Variants in DUSP3 observed in about 807,000 individuals in gnomAD.
The protein encoded by DUSP3 is dual specificity protein phosphatase 3.
DUSP3 carries 7 observed loss-of-function variants against 15.5 expected under a neutral mutation model. The observed-to-expected ratio is 0.45, with a 90% confidence interval of 0.26 to 0.85. The LOEUF (loss-of-function observed/expected upper bound fraction) is 0.85, where lower values mean the gene tolerates loss of function less well. DUSP3 is among the 40% of genes least tolerant of loss of function. The pLI is 0.18. For missense variants in DUSP3, 209 were observed against 251.7 expected (o/e 0.83, Z 1.15); for synonymous variants, 86 against 104.2 (o/e 0.83, Z 1.07).
rs545127443 is a variant in DUSP3 at position 43,769,646 on chromosome 17, T to A, written c.521A>T (p.Asn174Ile). 6.2e-7 allele frequency: 1 copy of A among 1,612,804 alleles called. No homozygotes were observed. Among genetic ancestry groups the A allele is most frequent in the Non-Finnish European group, 8.5e-7 (1 of 1,179,918 alleles). Reference sequence around the variant, plus strand: ...CTTCCCCTCCTTGGCTAGTCTGTCATTGAGCTGGCAGAGCTGGGCCAGGAA... The same window carrying A: ...CTTCCCCTCCTTGGCTAGTCTGTCAATGAGCTGGCAGAGCTGGGCCAGGAA... ...DGFLAQLCQL[N>I]DRLAKEGKLK... The change falls in exon 3 of 3, where the codon AAT becomes ATT. Residue 174 changes from asparagine (N) to isoleucine (I), a missense_variant. Asn to Ile is a moderately radical substitution (Grantham distance 149). Transcript: ENST00000226004.
At chr17:43,778,144 G>C (rs1237105417) in intron 1 of DUSP3, 1 of 153,802 alleles carries the variant, frequency 6.5e-6, no homozygotes, top group East Asian at 1.9e-4. Flanking sequence ...GACAGAGCCT[G>C]GGGGTGAAAG....
rs1331536276 is a variant in DUSP3 at position 43,768,907 on chromosome 17, G to C, written c.*702C>G. 1 of 152,194 alleles carries C rather than the reference G, an allele frequency of 6.6e-6. No homozygotes were observed. The highest frequency in any genetic ancestry group is 2.4e-5 in the African/African-American group (1 of 41,456). 9.4% of individuals were successfully genotyped at this position (152,194 alleles called of 1,614,324 possible). ...CAGAGCAGCAGATTCTGAACTCAAG[G>C]CTTCCAAAGATTCACATTTTGAAAA... On this transcript the variant is annotated 3_prime_UTR_variant, in exon 3 of 3. Transcript: ENST00000226004.
At position 43,778,853 on chromosome 17, in the gene DUSP3, G is replaced by T; in HGVS notation, c.72C>A (p.Ser24Arg). ...DLLSDGSGCY[S>R]LPSQPCNEVT... is the part of the protein sequence containing the mutation. ...CCTCGTTGCAGGGCTGGCTCGGGAGGCTGTAGCAGCCGCTGCCGTCCGAGA... is the reference window on the plus strand; with the variant it reads ...CCTCGTTGCAGGGCTGGCTCGGGAGTCTGTAGCAGCCGCTGCCGTCCGAGA... The change falls in exon 1 of 3, where the codon AGC (serine) becomes AGA (arginine). Residue 24 changes from serine (S) to arginine (R), a missense_variant. By Grantham distance (110) the Ser-to-Arg change is moderately radical. Transcript: ENST00000226004. 1 of 1,527,204 alleles carries T rather than the reference G, an allele frequency of 6.5e-7. No homozygotes were observed. The highest frequency in any genetic ancestry group is 8.8e-7 in the Non-Finnish European group (1 of 1,138,892). The allele number at this position is 1,527,204 out of a possible 1,614,324, so 94.6% of individuals were successfully genotyped here.
In DUSP3 at chr17:43,766,957, C is replaced by T. The variant is rs1974248822; in HGVS notation, c.*2652G>A. On this transcript the variant is annotated 3_prime_UTR_variant, in exon 3 of 3. Transcript: ENST00000226004. ...GCAGTAGAAGGCTGTCCAGGAACAG[C>T]TCCCATCCGCAGCTGGGCATGTGTT... 6.6e-6 allele frequency: 1 copy of T among 152,326 alleles called. No homozygotes were observed. The highest frequency in any genetic ancestry group is 1.5e-5 in the Non-Finnish European group (1 of 68,034). The allele number at this position is 152,326 out of a possible 1,614,324, so 9.4% of individuals were successfully genotyped here. A position where few individuals can be genotyped will look rare whatever the true frequency, so the allele number is the denominator to read the frequency against.
chr17:43,774,484 G>T (rs916870406), intron 2 of DUSP3, among the ~76,000 whole-genome samples: 2 of 152,190 alleles, frequency 1.3e-5, no homozygotes, highest in African/African-American at 4.8e-5. Flanking sequence ...GCAGTCAAAC[G>T]CGAGGACCCT....
chr17:43,774,579 A>T, intron 2 of DUSP3, 133 bp downstream of exon 2: 1 of 988,456 alleles, frequency 1.0e-6, no homozygotes, highest in Non-Finnish European at 1.5e-6. Flanking sequence ...AGAGAGACCT[A>T]CAGCTCTGTC....
intron 1 of DUSP3, among the ~76,000 whole-genome samples, chr17:43,776,524 C>T (rs559472119): frequency 1.2e-4 from 19 of 152,382 alleles, no homozygotes; most frequent in East Asian, 5.8e-4. Flanking sequence ...CTTGTGAGGA[C>T]GTGGCTGCGG....
At position 43,766,495 on chromosome 17, in the gene DUSP3, CT is replaced by C. The variant is rs377616101; in HGVS notation, c.*3113del. ...CATGTCTTCATATTGAAGATCAGTA[CT>C]TTTTTTTTTTTTTTTCCTTTAAAAC... On this transcript the variant is annotated 3_prime_UTR_variant, in exon 3 of 3. Coordinates refer to ENST00000226004, the MANE Select transcript of DUSP3 (RefSeq NM_004090.4). 0.22 allele frequency: 31,143 copies of C among 142,992 alleles called. 3,227 individuals carry two copies. The highest frequency in any genetic ancestry group is 0.24 in the Non-Finnish European group (15,568 of 65,216). 8.9% of individuals were successfully genotyped at this position (142,992 alleles called of 1,614,324 possible). A position where few individuals can be genotyped will look rare whatever the true frequency, so the allele number is the denominator to read the frequency against.
In DUSP3 at chr17:43,775,453, G is replaced by T. The variant is rs139768108; in HGVS notation, c.126-515C>A. Among the ~76,000 whole-genome samples the T allele has an allele frequency of 2.4e-3, 366 of 152,282 alleles. 1 individual carries two copies. The highest frequency in any genetic ancestry group is 8.6e-3 in the African/African-American group (356 of 41,544). ...ATAACAGTGCCTTCTCCTTGAGGTT[G>T]TTATGAGTATTAAATGGGCTATTCC... On this transcript the variant is annotated intron_variant, in intron 1 of 2. Coordinates refer to ENST00000226004, the MANE Select transcript of DUSP3 (RefSeq NM_004090.4).
intron 2 of DUSP3, among the ~76,000 whole-genome samples, chr17:43,772,848 G>C (rs553012039): frequency 6.6e-6 from 1 of 152,250 alleles, no homozygotes; most frequent in African/African-American, 2.4e-5. Context: ...GAGAGGCAGA[G>C]AGAACTTTTC....
intron 1 of DUSP3, among the ~76,000 whole-genome samples, chr17:43,778,595 G>A (rs1397447292): frequency 2.0e-5 from 3 of 152,132 alleles, no homozygotes; most frequent in East Asian, 3.9e-4. Flanking sequence ...GGCCGCGCCC[G>A]GCCAGGCAGG....
rs918175463 is a variant in DUSP3 at position 43,766,965 on chromosome 17, C to T, written c.*2644G>A. On this transcript the variant is annotated 3_prime_UTR_variant, in exon 3 of 3. Coordinates refer to ENST00000226004, the MANE Select transcript of DUSP3 (RefSeq NM_004090.4). Reference sequence around the variant, plus strand: ...AGGCTGTCCAGGAACAGCTCCCATCCGCAGCTGGGCATGTGTTGGCTCTTA... The same window carrying T: ...AGGCTGTCCAGGAACAGCTCCCATCTGCAGCTGGGCATGTGTTGGCTCTTA... The T allele has an allele frequency of 1.3e-5, 2 of 152,298 alleles. No homozygotes were observed. Among genetic ancestry groups the T allele is most frequent in the Non-Finnish European group, 2.9e-5 (2 of 68,026 alleles). 9.4% of individuals were successfully genotyped at this position (152,298 alleles called of 1,614,324 possible). A position where few individuals can be genotyped will look rare whatever the true frequency, so the allele number is the denominator to read the frequency against.
intron 2 of DUSP3, among the ~76,000 whole-genome samples, chr17:43,770,978 G>A (rs1346679534): frequency 1.4e-5 from 2 of 138,140 alleles, no homozygotes; most frequent in African/African-American, 5.5e-5. Context: ...GTGTGTGTGT[G>A]CGTGTATATA....
chr17:43,774,798 T>G lies in DUSP3; in HGVS notation c.266A>C (p.Lys89Thr). The G allele has an allele frequency of 6.2e-7, 1 of 1,614,188 alleles. No homozygotes were observed. Among genetic ancestry groups the G allele is most frequent in the Non-Finnish European group, 8.5e-7 (1 of 1,180,022 alleles). ...GTTGAACTCCTGTGTGTCGTTGGCC[T>G]TGATGCCCAGGTATGTGATGCCGGA... is the stretch of plus-strand genomic sequence containing the variant. ...KDSGITYLGI[K>T]ANDTQEFNLS... The change falls in exon 2 of 3, where the codon AAG becomes ACG. Residue 89 changes from lysine to threonine, a missense_variant. Coordinates refer to ENST00000226004, the MANE Select transcript of DUSP3 (RefSeq NM_004090.4).
Position 43,769,826 on chromosome 17 carries a change from AGGGGAGACGT to A in DUSP3, c.353-22_353-13del. On this transcript the variant is annotated splice_polypyrimidine_tract_variant and intron_variant, in intron 2 of 2. Coordinates refer to ENST00000226004, the MANE Select transcript of DUSP3 (RefSeq NM_004090.4). ...GACGAGCACCCGGCCTGTAAGAAACAGGGGAGACGTGGTGAGCTGGGGGCGTCCCATCACA... is the reference window on the plus strand; with the variant it reads ...GACGAGCACCCGGCCTGTAAGAAACAGGTGAGCTGGGGGCGTCCCATCACA... The A allele has an allele frequency of 6.2e-7, 1 of 1,613,882 alleles. No individual in the cohort carries two copies. Among genetic ancestry groups the A allele is most frequent in the Non-Finnish European group, 8.5e-7 (1 of 1,179,916 alleles).
At position 43,778,971 on chromosome 17, in the gene DUSP3, G is replaced by C; in HGVS notation, c.-47C>G. Reference sequence around the variant, plus strand: ...GCCCGGCAGGAGCAAGCGAGGCGGAGAGCGGCGGATCAGCTGGGCGGGGGC... The same window carrying C: ...GCCCGGCAGGAGCAAGCGAGGCGGACAGCGGCGGATCAGCTGGGCGGGGGC... On this transcript the variant is annotated 5_prime_UTR_variant, in exon 1 of 3. Coordinates refer to ENST00000226004, the MANE Select transcript of DUSP3 (RefSeq NM_004090.4). 7.6e-7 allele frequency: 1 copy of C among 1,315,030 alleles called. No homozygotes were observed. The highest frequency in any genetic ancestry group is 2.0e-5 in the South Asian group (1 of 50,542). The allele number at this position is 1,315,030 out of a possible 1,614,324, so 81.5% of individuals were successfully genotyped here. A position where few individuals can be genotyped will look rare whatever the true frequency, so the allele number is the denominator to read the frequency against.
intron 1 of DUSP3, among the ~76,000 whole-genome samples, chr17:43,776,295 A>G (rs529517574): frequency 2.8e-4 from 42 of 152,226 alleles, no homozygotes; most frequent in Non-Finnish European, 5.6e-4. Flanking sequence ...AAGGATGGCA[A>G]TATCCCTGCT....
intron 2 of DUSP3, among the ~76,000 whole-genome samples, chr17:43,772,989 GAAC>G (rs918825552): frequency 5.3e-5 from 8 of 152,174 alleles, no homozygotes; most frequent in African/African-American, 1.9e-4. Flanking sequence ...TATTATACGA[GAAC>G]AACAAAATCC....
chr17:43,767,549 G>C lies in DUSP3; in HGVS notation c.*2060C>G, dbSNP rs563342354. On this transcript the variant is annotated 3_prime_UTR_variant, in exon 3 of 3. Transcript: ENST00000226004. ...CCTTATGGAGCTGGACAACCCTGGG[G>C]GCCAGGCCCTTAATCATTCTGAACC... 1.3e-5 allele frequency: 2 copies of C among 152,610 alleles called. No homozygotes were observed. The highest frequency in any genetic ancestry group is 4.1e-4 in the South Asian group (2 of 4,828). The allele number at this position is 152,610 out of a possible 1,614,324, so 9.5% of individuals were successfully genotyped here.
Sources: allele counts gnomAD v4.1 joint callset (sites outside exome capture counted in the v4.1 genomes callset), GRCh38; gene constraint gnomAD v4.1.1; transcripts MANE v1.5; gene names NCBI Gene and HGNC (gene_info 2026-07-23, HGNC 2026-07-21).